Variants in CUL3 observed in about 807,000 individuals in gnomAD.
The protein encoded by CUL3 is cullin-3.
A neutral mutation model predicts 89.1 loss-of-function variants in CUL3; 19 were observed. That is an observed-to-expected ratio of 0.21 (90% confidence interval 0.15 to 0.31). The LOEUF (loss-of-function observed/expected upper bound fraction) is 0.31. Among genes scored for constraint, CUL3 ranks in the 10% least tolerant of loss-of-function variants. The pLI is 1.00. For synonymous variants in CUL3, 351 were observed against 308.4 expected (o/e 1.14, Z -1.45); for missense variants, 469 against 942.3 (o/e 0.50, Z 6.58).
intron 3 of CUL3, among the ~76,000 whole-genome samples, chr2:224,522,329 CTAA>C (rs1693298428): frequency 6.6e-6 from 1 of 152,138 alleles, no homozygotes. Flanking sequence ...GAAAAAAAGT[CTAA>C]TTATAATTAG....
intron 6 of CUL3, among the ~76,000 whole-genome samples, chr2:224,508,529 G>A (rs1281004466): frequency 6.6e-6 from 1 of 152,096 alleles, no homozygotes; most frequent in Non-Finnish European, 1.5e-5. Flanking sequence ...GATATTACAT[G>A]TTGTGTATTT....
intron 13 of CUL3, 23 bp downstream of exon 13, chr2:224,495,809 A>T (rs1356763242): frequency 6.3e-7 from 1 of 1,576,328 alleles, no homozygotes; most frequent in Admixed American, 1.8e-5. Context: ...CACAGTTAAA[A>T]TGTATATAAC....
At chr2:224,553,345 G>A (rs1217890226) in intron 2 of CUL3, among the ~76,000 whole-genome samples, 2 of 152,172 alleles carry the variant, frequency 1.3e-5, no homozygotes, top group African/African-American at 4.8e-5. Flanking sequence ...CTGGTCAAAT[G>A]AGCGTGAAAG....
chr2:224,529,888 G>C (rs1017328365), intron 3 of CUL3, among the ~76,000 whole-genome samples: 1 of 152,160 alleles, frequency 6.6e-6, no homozygotes, highest in Non-Finnish European at 1.5e-5. Flanking sequence ...TCAAGAGGCA[G>C]TGTGTCCCAT....
At chr2:224,568,253 A>G (rs2106318477) in intron 1 of CUL3, among the ~76,000 whole-genome samples, 1 of 152,314 alleles carries the variant, frequency 6.6e-6, no homozygotes, top group African/African-American at 2.4e-5. Flanking sequence ...CACTAAATAA[A>G]CTGTAGTGTA....
intron 3 of CUL3, among the ~76,000 whole-genome samples, chr2:224,521,587 T>C (rs941380868): frequency 1.3e-5 from 2 of 152,046 alleles, no homozygotes; most frequent in Admixed American, 6.6e-5. Flanking sequence ...TGTGCCACCA[T>C]GCCCGGCTAA....
At chr2:224,557,612 T>G in intron 2 of CUL3, 47 bp downstream of exon 2, 3 of 1,351,210 alleles carry the variant, frequency 2.2e-6, no homozygotes, top group Non-Finnish European at 3.1e-6. Flanking sequence ...ATAAAGGATT[T>G]TCTACATTCA....
intron 2 of CUL3, among the ~76,000 whole-genome samples, chr2:224,546,810 T>C (rs1019590500): frequency 1.3e-5 from 2 of 152,176 alleles, no homozygotes; most frequent in Non-Finnish European, 2.9e-5. Flanking sequence ...CCTTTCAATG[T>C]AGAAACCATT....
In CUL3 at chr2:224,585,128, G is replaced by C; in HGVS notation, c.-119C>G. 2.8e-6 allele frequency: 2 copies of C among 715,424 alleles called. No homozygotes were observed. Among genetic ancestry groups the C allele is most frequent in the Non-Finnish European group, 3.8e-6 (2 of 522,188 alleles). The allele number at this position is 715,424 out of a possible 1,614,324, so 44.3% of individuals were successfully genotyped here. A position where few individuals can be genotyped will look rare whatever the true frequency, so the allele number is the denominator to read the frequency against. On this transcript the variant is annotated 5_prime_UTR_variant, in exon 1 of 16. Coordinates refer to ENST00000264414, the MANE Select transcript of CUL3 (RefSeq NM_003590.5). Reference sequence around the variant, plus strand: ...GGGGCGGCGGCGGCGCGACCCCCGGGCAGGGCTGGGGAGCTGGCCGGCCCC... The same window carrying C: ...GGGGCGGCGGCGGCGCGACCCCCGGCCAGGGCTGGGGAGCTGGCCGGCCCC...
intron 1 of CUL3, chr2:224,562,587 G>A (rs557978270): frequency 2.0e-5 from 3 of 149,346 alleles, no homozygotes; most frequent in South Asian, 2.1e-4. Flanking sequence ...GAAGTAAGGC[G>A]AGATCGCGCC....
chr2:224,490,370 T>C (rs761899317), intron 13 of CUL3, among the ~76,000 whole-genome samples: 48 of 152,174 alleles, frequency 3.2e-4, no homozygotes, highest in Admixed American at 3.9e-4. Context: ...GCCCCCTGGC[T>C]GGTGGACAGG....
At chr2:224,546,662 T>C (rs1203849077) in intron 2 of CUL3, among the ~76,000 whole-genome samples, 1 of 117,202 alleles carries the variant, frequency 8.5e-6, no homozygotes, top group East Asian at 3.0e-4. Context: ...ACAACAGAAA[T>C]AGGATGGGGG....
chr2:224,488,314 A>C (rs1399297112), intron 13 of CUL3, among the ~76,000 whole-genome samples: 1 of 152,180 alleles, frequency 6.6e-6, no homozygotes, highest in Non-Finnish European at 1.5e-5. Flanking sequence ...TCAAAAAAAA[A>C]AATCAATGAA....
chr2:224,487,445 A>ACC (rs1691773702), intron 13 of CUL3, among the ~76,000 whole-genome samples: 2 of 53,782 alleles, frequency 3.7e-5, no homozygotes, highest in African/African-American at 2.2e-4. Context: ...GCCCCCCCCA[A>ACC]AAAAAAAAAA....
chr2:224,479,924 T>C (rs1183516904), intron 14 of CUL3: 2 of 152,182 alleles, frequency 1.3e-5, no homozygotes, highest in African/African-American at 4.8e-5. Flanking sequence ...CAGAAAAACA[T>C]GGATGTGCAG....
At chr2:224,479,525 C>G (rs1691451114) in intron 14 of CUL3, 1 of 151,932 alleles carries the variant, frequency 6.6e-6, no homozygotes. Flanking sequence ...AATCATGGAT[C>G]CAAAAAGTGA....
At chr2:224,543,643 G>A (rs1694194236) in intron 2 of CUL3, among the ~76,000 whole-genome samples, 1 of 152,126 alleles carries the variant, frequency 6.6e-6, no homozygotes, top group Non-Finnish European at 1.5e-5. Context: ...AATCTGAGAT[G>A]CTCCAATGAG....
rs191987903 is a variant in CUL3 at position 224,470,432 on chromosome 2, C to G, written c.*3813G>C. On this transcript the variant is annotated 3_prime_UTR_variant, in exon 16 of 16. Transcript: ENST00000264414. Reference sequence around the variant, plus strand: ...TTAAATGCACGGGTTTCAAGACATCCTAGTTGTTTTTCTCCTGAGAGCTGG... The same window carrying G: ...TTAAATGCACGGGTTTCAAGACATCGTAGTTGTTTTTCTCCTGAGAGCTGG... 2 of 230,602 alleles carry G rather than the reference C, an allele frequency of 8.7e-6. No individual in the cohort carries two copies. Among genetic ancestry groups the G allele is most frequent in the East Asian group, 1.2e-4 (2 of 16,136 alleles). 14.3% of individuals were successfully genotyped at this position (230,602 alleles called of 1,614,324 possible).
intron 1 of CUL3, chr2:224,563,144 A>G (rs779184130): frequency 1.2e-5 from 5 of 432,984 alleles, no homozygotes; most frequent in African/African-American, 4.2e-5. Context: ...AAATATACAG[A>G]TATGAGCTAA....
Sources: allele counts gnomAD v4.1 joint callset (sites outside exome capture counted in the v4.1 genomes callset), GRCh38; gene constraint gnomAD v4.1.1; transcripts MANE v1.5; gene names NCBI Gene and HGNC (gene_info 2026-07-23, HGNC 2026-07-21).